PLCH1: variants seen among roughly 807,000 people sequenced by gnomAD.
PLCH1 encodes the protein phospholipase C eta 1.
Under a neutral mutation model 126.7 loss-of-function variants are expected in PLCH1, and 60 were observed. The ratio of observed to expected loss-of-function variants is 0.47; its 90% confidence interval spans 0.38 to 0.59. PLCH1 has a LOEUF of 0.59. Ranked by LOEUF, PLCH1 falls within the 20% of genes least tolerant of loss-of-function variation. The probability of loss-of-function intolerance (pLI) is 0.00; values close to 1 mark genes in which losing one functional copy is unlikely to be tolerated. For synonymous variants in PLCH1, 719 were observed against 734.9 expected, an observed-to-expected ratio of 0.98 and a Z score of 0.35; for missense variants, 1,723 against 2,040.0, an observed-to-expected ratio of 0.84 and a Z score of 2.99.
At chr3:155,662,971 A>G (rs1742346762) in intron 2 of PLCH1, among the ~76,000 whole-genome samples, 1 of 152,164 alleles carries the variant, frequency 6.6e-6, no homozygotes, top group African/African-American at 2.4e-5. Context: ...GTTCAGGTTT[A>G]TGTATTTCTT....
intron 2 of PLCH1, among the ~76,000 whole-genome samples, chr3:155,666,544 TAG>T (rs1742743925): frequency 6.6e-6 from 1 of 152,194 alleles, no homozygotes; most frequent in African/African-American, 2.4e-5. Context: ...TTGAAAGACT[TAG>T]TGTGAAAGAA....
At chr3:155,692,967 A>T (rs1745514349) in intron 2 of PLCH1, among the ~76,000 whole-genome samples, 1 of 151,902 alleles carries the variant, frequency 6.6e-6, no homozygotes, top group African/African-American at 2.4e-5. Context: ...TATTTTTAGT[A>T]GAGACGGGGT....
chr3:155,732,383 T>C (rs953429017), intron 1 of PLCH1, among the ~76,000 whole-genome samples: 2 of 151,846 alleles, frequency 1.3e-5, no homozygotes, highest in African/African-American at 2.4e-5. Context: ...TATTACTAGA[T>C]ACAATTAGAA....
rs1303184987 is a variant in PLCH1 at position 155,480,156 on chromosome 3, T to TA, written c.*811dup. 1.3e-5 allele frequency: 2 copies of TA among 152,642 alleles called. No homozygotes were observed. The highest frequency in any genetic ancestry group is 4.8e-5 in the African/African-American group (2 of 41,460). The allele number at this position is 152,642 out of a possible 1,614,324, so 9.5% of individuals were successfully genotyped here. A position where few individuals can be genotyped will look rare whatever the true frequency, so the allele number is the denominator to read the frequency against. Reference sequence around the variant, plus strand: ...TTTCAATTTGTGCTACTATTATCATTAGAGTCTGATGGAAGTCCCTCATTC... The same window carrying TA: ...TTTCAATTTGTGCTACTATTATCATTAAGAGTCTGATGGAAGTCCCTCATTC... On this transcript the variant is annotated 3_prime_UTR_variant, in exon 23 of 23. Coordinates refer to ENST00000460012, the MANE Select transcript of PLCH1 (RefSeq NM_014996.4).
rs767154923 is a variant in PLCH1, at chr3:155,482,590, A to C, written c.3436T>G (p.Ser1146Ala). 6.2e-7 allele frequency: 1 copy of C among 1,614,242 alleles called. No homozygotes were observed. Among genetic ancestry groups the C allele is most frequent in the South Asian group, 1.1e-5 (1 of 91,090 alleles). The change falls in exon 23 of 23, where the codon TCA becomes GCA. Residue 1146 changes from serine (S) to alanine (A), a missense_variant. By Grantham distance (99) the Ser-to-Ala change is moderately conservative. This residue lies in a region of PLCH1 where 947 missense variants were observed against 977.1 expected (regional missense o/e 0.97). Coordinates refer to ENST00000460012, the MANE Select transcript of PLCH1 (RefSeq NM_014996.4). ...TCAGAACAGAGCATGGAGACGTCTG[A>C]CAAAGAAAAGGATGTTGCAGCTCGG... is the stretch of plus-strand genomic sequence containing the variant. ...KGRAATSFSLSDVSMLCSDIP... is the reference protein window; with the variant it reads ...KGRAATSFSLADVSMLCSDIP...
intron 4 of PLCH1, 74 bp from the exon 5 acceptor site, chr3:155,586,268 A>G (rs2108608643): frequency 6.7e-7 from 1 of 1,490,734 alleles, no homozygotes; most frequent in Non-Finnish European, 9.3e-7. Context: ...ATACTCGCAA[A>G]GACATTTATC....
At chr3:155,620,692 G>A (rs938984247) in intron 2 of PLCH1, among the ~76,000 whole-genome samples, 2 of 152,160 alleles carry the variant, frequency 1.3e-5, no homozygotes, top group Admixed American at 6.5e-5. Context: ...AGGCCACTGC[G>A]GCCAGACTGC....
In PLCH1 at chr3:155,676,139, A is replaced by T. The variant is rs1174639811; in HGVS notation, c.79+28007T>A. 8.7e-6 allele frequency: 12 copies of T among 1,373,730 alleles called. No individual in the cohort carries two copies. In the East Asian group the frequency reaches 2.8e-4, roughly 32 times the overall value. The allele number at this position is 1,373,730 out of a possible 1,614,324, so 85.1% of individuals were successfully genotyped here. On this transcript the variant is annotated intron_variant, in intron 2 of 22. Transcript: ENST00000460012. ...CACATTTCCAAAAAGGGTGGGGGGA[A>T]AAAAGGCAAAGAAATCCTTAGCAGC... is the stretch of plus-strand genomic sequence containing the variant.
intron 2 of PLCH1, among the ~76,000 whole-genome samples, chr3:155,682,626 A>C (rs1026058182): frequency 7.2e-5 from 11 of 152,202 alleles, no homozygotes; most frequent in Non-Finnish European, 1.6e-4. Flanking sequence ...CATTTGCAAA[A>C]GAGGAAGCTG....
At chr3:155,679,857 T>G (rs1744373174) in intron 2 of PLCH1, among the ~76,000 whole-genome samples, 1 of 152,170 alleles carries the variant, frequency 6.6e-6, no homozygotes. Context: ...TGAGAAGATG[T>G]CCAAGATCAC....
chr3:155,545,623 A>G (rs1024547593), intron 10 of PLCH1, among the ~76,000 whole-genome samples: 177 of 152,348 alleles, frequency 1.2e-3, no homozygotes, highest in Middle Eastern at 3.4e-3. Flanking sequence ...GATGAACATC[A>G]ATGCAAAAAT....
At chr3:155,463,647 C>G (rs1048388887) in intron 21 of PLCH1, among the ~76,000 whole-genome samples, 2 of 152,240 alleles carry the variant, frequency 1.3e-5, no homozygotes, top group East Asian at 3.9e-4. Flanking sequence ...AGATGAGATG[C>G]ACTATGTACA....
At chr3:155,672,505 A>C (rs762691168) in intron 2 of PLCH1, among the ~76,000 whole-genome samples, 13 of 152,178 alleles carry the variant, frequency 8.5e-5, no homozygotes, top group Non-Finnish European at 1.8e-4. Context: ...TTACATTTGG[A>C]CTGATTATGC....
chr3:155,577,865 T>G (rs1406621961), intron 6 of PLCH1, among the ~76,000 whole-genome samples: 1 of 152,234 alleles, frequency 6.6e-6, no homozygotes, highest in African/African-American at 2.4e-5. Flanking sequence ...GTTTATACCT[T>G]TTAACTTTAA....
rs1725880702 is a variant in PLCH1, at chr3:155,549,925, G to A, written c.1224C>T (p.Cys408=). The change falls in exon 10 of 23, where the codon TGC becomes TGT. Residue 408 remains cysteine (C), a synonymous_variant. Coordinates refer to ENST00000460012, the MANE Select transcript of PLCH1 (RefSeq NM_014996.4). ...FPVILSIENH[C]SIQQQRKIAQ... ...CAATCTTCCTTTGCTGCTGGATACT[G>A]CAGTGATTCTCGATAGACAATATAA... The A allele has an allele frequency of 6.2e-7, 1 of 1,613,718 alleles. No homozygotes were observed. The highest frequency in any genetic ancestry group is 8.5e-7 in the Non-Finnish European group (1 of 1,179,826).
chr3:155,649,339 G>A lies in PLCH1; in HGVS notation c.80-52961C>T, dbSNP rs143558045. Reference sequence around the variant, plus strand: ...CCACTACCCTATATAATTCTGTTTCGGCCCTAAAATAATAACCTGATCACG... The same window carrying A: ...CCACTACCCTATATAATTCTGTTTCAGCCCTAAAATAATAACCTGATCACG... On this transcript the variant is annotated intron_variant, in intron 2 of 22. Coordinates refer to ENST00000460012, the MANE Select transcript of PLCH1 (RefSeq NM_014996.4). Among the ~76,000 whole-genome samples, 48 of 152,030 alleles carry A rather than the reference G, an allele frequency of 3.2e-4. 1 individual carries two copies. The East Asian group carries it at 8.3e-3, about 26-fold the overall frequency.
rs150846107 is a variant in PLCH1, at chr3:155,492,809, T to C, written c.2227A>G (p.Lys743Glu). ...FSGDPLPANP[K>E]KQLILKVISG... ...ATAACTTTCAGGATGAGCTGCTTTT[T>C]GGGGTTGGCAGGAAGAGGGTCACCA... Residue 743 changes from lysine to glutamate, a missense_variant, in exon 18 of 23, where the codon AAA (lysine) becomes GAA (glutamate). Physicochemically the swap from Lys to Glu is moderately conservative, Grantham distance 56 (BLOSUM62 1). This residue lies in a region of PLCH1 where 776 missense variants were observed against 1,062.9 expected (regional missense o/e 0.73). Coordinates refer to ENST00000460012, the MANE Select transcript of PLCH1 (RefSeq NM_014996.4). 6.2e-7 allele frequency: 1 copy of C among 1,604,896 alleles called. No individual in the cohort carries two copies. The highest frequency in any genetic ancestry group is 8.5e-7 in the Non-Finnish European group (1 of 1,176,132).
chr3:155,528,127 G>A (rs1722206101), intron 10 of PLCH1, among the ~76,000 whole-genome samples: 2 of 151,886 alleles, frequency 1.3e-5, no homozygotes. Context: ...AGGAGGCTGA[G>A]GCAGGAGAAT....
intron 2 of PLCH1, among the ~76,000 whole-genome samples, chr3:155,647,454 T>C (rs780882362): frequency 6.6e-6 from 1 of 151,734 alleles, no homozygotes; most frequent in Non-Finnish European, 1.5e-5. Flanking sequence ...ACTTGCAGAA[T>C]CTGTTACACC....
Sources: gnomAD v4.1 joint callset for allele counts (sites outside exome capture counted in the v4.1 genomes callset) on GRCh38, gnomAD v4.1.1 for gene constraint, gnomAD v4.1.1 regional missense constraint, MANE v1.5 for transcripts, NCBI Gene and HGNC (gene_info 2026-07-23, HGNC 2026-07-21) for gene names.